Variants in RP1L1 observed in about 807,000 individuals in gnomAD.
The protein encoded by RP1L1 is retinitis pigmentosa 1-like 1 protein.
A neutral mutation model predicts 15.7 loss-of-function variants in RP1L1; 27 were observed. The ratio of observed to expected loss-of-function variants is 1.72; its 90% CI spans 1.27 to 2.38. The LOEUF (loss-of-function observed/expected upper bound fraction) is 2.38. Among genes scored for constraint, RP1L1 ranks in the 30% most tolerant of loss-of-function variants. The pLI, the probability that RP1L1 is intolerant of heterozygous loss-of-function variation, is 0.00. For synonymous variants in RP1L1, 1,813 were observed against 1,276.7 expected, an observed-to-expected ratio of 1.42 and a Z score of -8.96; for missense variants, 4,798 against 3,075.9, an observed-to-expected ratio of 1.56 and a Z score of -13.24.
chr8:10,607,490 C>T lies in RP1L1; in HGVS notation c.6608G>A (p.Gly2203Glu), dbSNP rs200967543. Residue 2203 changes from glycine to glutamate, a missense_variant, in exon 4 of 4, where the codon GGG becomes GAG. By Grantham distance (98) the Gly-to-Glu change is moderately conservative. Transcript: ENST00000382483. ...SEGIEAPEAEGEAQPELEGVE... is the reference protein window; with the variant it reads ...SEGIEAPEAEEEAQPELEGVE... ...ACCTTCTAACTCTGGTTGGGCCTCC[C>T]CTTCTGCCTCTGGGGCCTCTATACC... 1.2e-6 allele frequency: 2 copies of T among 1,609,022 alleles called. No individual in the cohort carries two copies. Among genetic ancestry groups the T allele is most frequent in the Admixed American group, 1.7e-5 (1 of 59,638 alleles).
At chr8:10,616,313 C>G in intron 3 of RP1L1, 133 bp downstream of exon 3, 1 of 1,196,162 alleles carries the variant, frequency 8.4e-7, no homozygotes, top group Non-Finnish European at 1.2e-6. Flanking sequence ...AAGAGAGATC[C>G]CAAAATGACT....
intron 1 of RP1L1, among the ~76,000 whole-genome samples, chr8:10,630,158 G>A (rs1386444203): frequency 1.3e-5 from 2 of 152,214 alleles, no homozygotes; most frequent in Non-Finnish European, 2.9e-5. Context: ...TACCTAGATG[G>A]TCCTCCCTTG....
Position 10,607,421 on chromosome 8 carries a change from TC to T in RP1L1, c.6676del (p.Glu2226LysfsTer3), listed in dbSNP as rs767526467. 18 of 1,613,728 alleles carry T rather than the reference TC, an allele frequency of 1.1e-5. No homozygotes were observed. Among genetic ancestry groups the T allele is most frequent in the Non-Finnish European group, 1.2e-5 (14 of 1,179,888 alleles). ...TTCAGCCTCCGGGGTCTCTACGCCTTCTGGCTCTGGCTGGGCCTCCTCTTCA... is the reference window on the plus strand; with the variant it reads ...TTCAGCCTCCGGGGTCTCTACGCCTTTGGCTCTGGCTGGGCCTCCTCTTCA... Reference protein sequence around the residue: ...EAEEEAQPEPEGVETPEAEGE... With the variant: ...EAEEEAQPEPXGVETPEAEGE... On this transcript the variant is annotated frameshift_variant, in exon 4 of 4. Transcript: ENST00000382483. LOFTEE classifies it low-confidence loss of function (END_TRUNC).
chr8:10,609,820 T>C lies in RP1L1; in HGVS notation c.4278A>G (p.Pro1426=). 1 of 1,614,114 alleles carries C rather than the reference T, an allele frequency of 6.2e-7. No individual in the cohort carries two copies. Among genetic ancestry groups the C allele is most frequent in the Non-Finnish European group, 8.5e-7 (1 of 1,180,016 alleles). Residue 1426 remains proline (P), a synonymous_variant, in exon 4 of 4, where the codon CCA becomes CCG. Coordinates refer to ENST00000382483, the MANE Select transcript of RP1L1 (RefSeq NM_178857.6). ...CTCTTCCTGCTTCCTCCTCCTGGAC[T>C]GGGTCATCTTCCTGGGAGCCTTTCC... ...PDGKGSQEDD[P]VQEEEAGRAS...
intron 1 of RP1L1, among the ~76,000 whole-genome samples, chr8:10,632,380 C>A (rs1798265900): frequency 6.6e-6 from 1 of 152,202 alleles, no homozygotes; most frequent in Non-Finnish European, 1.5e-5. Context: ...TTATAAAGCA[C>A]CTTTCACATG....
intron 1 of RP1L1, among the ~76,000 whole-genome samples, chr8:10,637,524 T>C (rs1338966222): frequency 6.6e-6 from 1 of 152,032 alleles, no homozygotes; most frequent in Non-Finnish European, 1.5e-5. Flanking sequence ...GGCGGGAGGA[T>C]CACTTGAGCC....
At chr8:10,615,405 T>C (rs532847887) in intron 3 of RP1L1, among the ~76,000 whole-genome samples, 3 of 152,238 alleles carry the variant, frequency 2.0e-5, no homozygotes, top group East Asian at 1.9e-4. Context: ...ATGGATAATC[T>C]GTGGTCATGG....
In RP1L1 at chr8:10,613,293, C is replaced by T. The variant is rs777618676; in HGVS notation, c.805G>A (p.Gly269Ser). The T allele has an allele frequency of 1.9e-6, 3 of 1,604,870 alleles. No homozygotes were observed. Among genetic ancestry groups the T allele is most frequent in the Non-Finnish European group, 2.5e-6 (3 of 1,179,980 alleles). ...CTTTCTGGCAGCCGTGGCGTGCTGCCTGGCGGAGACCGCGAATGGATCACA... is the reference window on the plus strand; with the variant it reads ...CTTTCTGGCAGCCGTGGCGTGCTGCTTGGCGGAGACCGCGAATGGATCACA... ...PSVIHSRSPPGSTPRLPERPG... is the reference protein window; with the variant it reads ...PSVIHSRSPPSSTPRLPERPG... Residue 269 changes from glycine to serine, a missense_variant, in exon 4 of 4, where the codon GGC becomes AGC. Coordinates refer to ENST00000382483, the MANE Select transcript of RP1L1 (RefSeq NM_178857.6).
At chr8:10,643,767 G>C (rs1252174126) in intron 1 of RP1L1, among the ~76,000 whole-genome samples, 3 of 151,958 alleles carry the variant, frequency 2.0e-5, no homozygotes, top group African/African-American at 7.3e-5. Context: ...AGCCTTGCCT[G>C]GGGCCTCGCT....
Position 10,608,470 on chromosome 8 carries a change from G to GGCCT in RP1L1, c.5624_5627dup (p.Pro1877GlyfsTer53), listed in dbSNP as rs1471265500. On this transcript the variant is annotated frameshift_variant, in exon 4 of 4. Transcript: ENST00000382483. LOFTEE classifies it low-confidence loss of function (END_TRUNC). ...GCTGGGCCTCTCCTTCTGCCTCTGG[G>GGCCT]GCCTCTACATCTTCTGACTCTGGCT... is the stretch of plus-strand genomic sequence containing the variant. 3 of 1,603,724 alleles carry GGCCT rather than the reference G, an allele frequency of 1.9e-6. No individual in the cohort carries two copies. In the African/African-American group the frequency reaches 4.0e-5, roughly 22 times the overall value.
chr8:10,620,181 T>A (rs1039487881), intron 2 of RP1L1, among the ~76,000 whole-genome samples: 1 of 152,206 alleles, frequency 6.6e-6, no homozygotes, highest in African/African-American at 2.4e-5. Flanking sequence ...ATACAGCGAA[T>A]TCCATGGATG....
At chr8:10,637,907 T>A (rs1798353441) in intron 1 of RP1L1, among the ~76,000 whole-genome samples, 1 of 152,204 alleles carries the variant, frequency 6.6e-6, no homozygotes, top group Non-Finnish European at 1.5e-5. Context: ...TCTGTATCCT[T>A]CTGATAAGGA....
Position 10,609,543 on chromosome 8 carries a change from C to A in RP1L1, c.4555G>T (p.Val1519Leu), listed in dbSNP as rs550579738. The change falls in exon 4 of 4, where the codon GTG becomes TTG. Residue 1519 changes from valine to leucine, a missense_variant. By Grantham distance (32) the Val-to-Leu change is conservative. Coordinates refer to ENST00000382483, the MANE Select transcript of RP1L1 (RefSeq NM_178857.6). ...SAALDCDPIW[V>L]SVLLKKTEKA... ...TCCGTCTTCTTCAGTAACACGGACACCCAGATGGGGTCGCAGTCCAGAGCC... is the reference window on the plus strand; with the variant it reads ...TCCGTCTTCTTCAGTAACACGGACAACCAGATGGGGTCGCAGTCCAGAGCC... 2.5e-6 allele frequency: 4 copies of A among 1,605,792 alleles called. No individual in the cohort carries two copies. Among genetic ancestry groups the A allele is most frequent in the Non-Finnish European group, 3.4e-6 (4 of 1,177,356 alleles).
In RP1L1 at chr8:10,611,349, C is replaced by T. The variant is rs1418809045; in HGVS notation, c.2749G>A (p.Ala917Thr). The change falls in exon 4 of 4, where the codon GCG (alanine) becomes ACG (threonine). Residue 917 changes from alanine (A) to threonine (T), a missense_variant. Coordinates refer to ENST00000382483, the MANE Select transcript of RP1L1 (RefSeq NM_178857.6). ...ASRRSSASQG[A>T]GSRGLSEEKT... The stretch of plus-strand genomic sequence containing the variant: ...TCCTCGGACAGCCCCCGAGACCCCG[C>T]ACCCTGGCTGGCACTGCTTCTCCTT... 6.2e-7 allele frequency: 1 copy of T among 1,611,870 alleles called. No homozygotes were observed. Among genetic ancestry groups the T allele is most frequent in the Non-Finnish European group, 8.5e-7 (1 of 1,179,824 alleles).
At chr8:10,646,241 G>A (rs1226032227) in intron 1 of RP1L1, among the ~76,000 whole-genome samples, 1 of 152,202 alleles carries the variant, frequency 6.6e-6, no homozygotes, top group Non-Finnish European at 1.5e-5. Flanking sequence ...TGAAGAAGAC[G>A]CTATTCTATC....
At chr8:10,614,661 C>CAAAAAAAAA (rs772003815) in intron 3 of RP1L1, among the ~76,000 whole-genome samples, 1 of 75,614 alleles carries the variant, frequency 1.3e-5, no homozygotes, top group Non-Finnish European at 2.5e-5. Context: ...ATTCTGTCGT[C>CAAAAAAAAA]AAAAAAAAAA....
chr8:10,616,734 AT>A (rs1410546891), intron 2 of RP1L1, 147 bp from the exon 3 acceptor site: 2 of 894,850 alleles, frequency 2.2e-6, no homozygotes, highest in Non-Finnish European at 3.3e-6. Flanking sequence ...GAGGGGTCTT[AT>A]CCACTCCCCA....
At position 10,610,437 on chromosome 8, in the gene RP1L1, C is replaced by T. The variant is rs754082146; in HGVS notation, c.3661G>A (p.Gly1221Ser). The T allele has an allele frequency of 3.5e-5, 57 of 1,613,702 alleles. No individual in the cohort carries two copies. Among genetic ancestry groups the T allele is most frequent in the Admixed American group, 6.7e-5 (4 of 59,992 alleles). Residue 1221 changes from glycine (G) to serine (S), a missense_variant, in exon 4 of 4, where the codon GGC becomes AGC. By Grantham distance (56) the Gly-to-Ser change is moderately conservative. Coordinates refer to ENST00000382483, the MANE Select transcript of RP1L1 (RefSeq NM_178857.6). ...GESSVPCAMD[G>S]TLVTQGTELP... Reference sequence around the variant, plus strand: ...TCTGTCCCCTGTGTCACCAGGGTGCCGTCCATGGCACAGGGTACGCTACTC... The same window carrying T: ...TCTGTCCCCTGTGTCACCAGGGTGCTGTCCATGGCACAGGGTACGCTACTC...
rs138562711 is a variant in RP1L1, at chr8:10,618,053, T to C, written c.610-1466A>G. ...TGCATTACGTTGTAATTAGCAATGC[T>C]TGGGGATGTATTTCCATCTTTAAAG... On this transcript the variant is annotated intron_variant, in intron 2 of 3. Transcript: ENST00000382483. Among the ~76,000 whole-genome samples, 6 of 152,326 alleles carry C rather than the reference T, an allele frequency of 3.9e-5. No individual in the cohort carries two copies. In the East Asian group the frequency reaches 9.7e-4, roughly 25 times the overall value.
Sources: allele counts gnomAD v4.1 joint callset (sites outside exome capture counted in the v4.1 genomes callset), GRCh38; gene constraint gnomAD v4.1.1; transcripts MANE v1.5; gene names NCBI Gene and HGNC (gene_info 2026-07-23, HGNC 2026-07-21).